The following NCK1 variants were observed in gnomAD, a reference collection of about 807,000 sequenced individuals.
NCK1 encodes SH2/SH3 adapter protein NCK1.
In NCK1, 19 loss-of-function variants were observed where a neutral mutation model predicts 36.6. That is an observed-to-expected ratio of 0.52 (90% CI 0.36 to 0.76). NCK1 has a LOEUF of 0.76. Among genes scored for constraint, NCK1 ranks in the 30% least tolerant of loss-of-function variants. NCK1 has a pLI of 0.00. For missense variants in NCK1, 358 were observed against 445.6 expected (o/e 0.80, Z 1.77); for synonymous variants, 165 against 156.0 (o/e 1.06, Z -0.43).
chr3:136,927,891 A>G, intron 1 of NCK1, 93 bp from the exon 2 acceptor site: 1 of 897,550 alleles, frequency 1.1e-6, no homozygotes, highest in South Asian at 1.7e-5. Flanking sequence ...TTTCATCTTT[A>G]TGTCTTTAGA....
At chr3:136,932,511 G>A (rs1039329102) in intron 2 of NCK1, among the ~76,000 whole-genome samples, 1 of 152,158 alleles carries the variant, frequency 6.6e-6, no homozygotes, top group African/African-American at 2.4e-5. Flanking sequence ...TAGATGAAGT[G>A]AACAGATGGA....
intron 1 of NCK1, among the ~76,000 whole-genome samples, chr3:136,902,880 A>G (rs1316917887): frequency 6.6e-6 from 1 of 152,246 alleles, no homozygotes; most frequent in Non-Finnish European, 1.5e-5. Context: ...AAATCAACAC[A>G]CATAAATCAA....
In NCK1 at chr3:136,933,869, T is replaced by C. The variant is rs1576986903; in HGVS notation, c.226+5642T>C. ...ACAGGTGCATGCCACCACACCTGGC[T>C]AATTTTTTTTGTATTTTTAGTAGAG... On this transcript the variant is annotated intron_variant, in intron 2 of 3. Coordinates refer to ENST00000481752, the MANE Select transcript of NCK1 (RefSeq NM_001291999.2). 2.0e-5 allele frequency among the ~76,000 whole-genome samples: 3 copies of C among 152,088 alleles called. No homozygotes were observed. The South Asian group carries it at 6.2e-4, about 32-fold the overall frequency.
rs1940906213 is a variant in NCK1, at chr3:136,949,067, A to G, written c.*614A>G. The G allele has an allele frequency of 6.6e-6, 1 of 152,466 alleles. No homozygotes were observed. Among genetic ancestry groups the G allele is most frequent in the Admixed American group, 6.6e-5 (1 of 15,254 alleles). The allele number at this position is 152,466 out of a possible 1,614,324, so 9.4% of individuals were successfully genotyped here. On this transcript the variant is annotated 3_prime_UTR_variant, in exon 4 of 4. Coordinates refer to ENST00000481752, the MANE Select transcript of NCK1 (RefSeq NM_001291999.2). Reference sequence around the variant, plus strand: ...AGACACATGAGACATAGATTAGAAAACATGTTGTACAATTTTAATTTACAA... The same window carrying G: ...AGACACATGAGACATAGATTAGAAAGCATGTTGTACAATTTTAATTTACAA...
At chr3:136,873,619 T>C (rs931665442) in intron 1 of NCK1, among the ~76,000 whole-genome samples, 3 of 152,174 alleles carry the variant, frequency 2.0e-5, no homozygotes, top group Admixed American at 1.3e-4. Flanking sequence ...TAATATGGTT[T>C]GGCTGTGTCC....
intron 1 of NCK1, among the ~76,000 whole-genome samples, chr3:136,911,095 C>A (rs565979810): frequency 6.6e-6 from 1 of 152,262 alleles, no homozygotes; most frequent in African/African-American, 2.4e-5. Flanking sequence ...GAATTTACTT[C>A]TTTTTTAAGG....
intron 1 of NCK1, among the ~76,000 whole-genome samples, chr3:136,876,406 G>A (rs550876806): frequency 1.4e-4 from 22 of 152,142 alleles, no homozygotes; most frequent in Non-Finnish European, 2.8e-4. Context: ...TAGACCGCTA[G>A]CAAGACTAAT....
chr3:136,945,091 G>A (rs1940776261), intron 2 of NCK1, among the ~76,000 whole-genome samples: 1 of 152,304 alleles, frequency 6.6e-6, no homozygotes, highest in Middle Eastern at 3.4e-3. Context: ...CAAATGGGAA[G>A]ATTAGCCAGA....
At chr3:136,893,188 A>G (rs1281178388) in intron 1 of NCK1, among the ~76,000 whole-genome samples, 3 of 14,172 alleles carry the variant, frequency 2.1e-4, no homozygotes, top group Non-Finnish European at 3.5e-4. Flanking sequence ...GTATATATAT[A>G]TATACACACA....
chr3:136,929,802 T>A (rs895911816), intron 2 of NCK1, among the ~76,000 whole-genome samples: 2 of 152,164 alleles, frequency 1.3e-5, no homozygotes, highest in Non-Finnish European at 2.9e-5. Flanking sequence ...AAAAAACTAT[T>A]ATCATAGAGC....
chr3:136,879,406 T>TA (rs1413371763), intron 1 of NCK1, among the ~76,000 whole-genome samples: 2 of 152,132 alleles, frequency 1.3e-5, no homozygotes, highest in Non-Finnish European at 2.9e-5. Flanking sequence ...AGAAAATAGA[T>TA]ATACGCTTTC....
At chr3:136,867,178 TTCTTTC>T (rs752368044) in intron 1 of NCK1, among the ~76,000 whole-genome samples, 1 of 37,240 alleles carries the variant, frequency 2.7e-5, no homozygotes, top group Non-Finnish European at 6.2e-5. Flanking sequence ...CCTTCCTTCC[TTCTTTC>T]TTTCTTTTCT....
At chr3:136,911,421 A>G (rs1334412523) in intron 1 of NCK1, among the ~76,000 whole-genome samples, 3 of 152,072 alleles carry the variant, frequency 2.0e-5, no homozygotes, top group Non-Finnish European at 4.4e-5. Context: ...CAACCTTTTT[A>G]TTGTTCTTTT....
chr3:136,869,147 G>A (rs1431479501), intron 1 of NCK1, among the ~76,000 whole-genome samples: 1 of 152,078 alleles, frequency 6.6e-6, no homozygotes, highest in East Asian at 1.9e-4. Context: ...GGCAGAGGCA[G>A]GAGAATGGCT....
At chr3:136,912,194 G>A (rs1388334778) in intron 1 of NCK1, among the ~76,000 whole-genome samples, 2 of 130,732 alleles carry the variant, frequency 1.5e-5, no homozygotes, top group Middle Eastern at 4.4e-3. Flanking sequence ...ACCGAGTCTC[G>A]CTCTGTCACC....
In NCK1 at chr3:136,862,907, T is replaced by C. The variant is rs148741436; in HGVS notation, c.-19+554T>C. The stretch of plus-strand genomic sequence containing the variant: ...TTCTAGTCTGGGGCTGTGACTTTAA[T>C]GGTCTGGACCTGCTTCAGATTCGTA... On this transcript the variant is annotated intron_variant, in intron 1 of 3. Transcript: ENST00000481752. 3.0e-3 allele frequency among the ~76,000 whole-genome samples: 431 copies of C among 143,046 alleles called. 3 individuals carry two copies. Among genetic ancestry groups the C allele is most frequent in the African/African-American group, 0.011 (412 of 38,774 alleles). The allele number at this position is 143,046 out of a possible 152,430, so 93.8% of individuals were successfully genotyped here. A position where few individuals can be genotyped will look rare whatever the true frequency, so the allele number is the denominator to read the frequency against.
At chr3:136,894,636 G>A (rs966669614) in intron 1 of NCK1, among the ~76,000 whole-genome samples, 1 of 151,966 alleles carries the variant, frequency 6.6e-6, no homozygotes, top group Admixed American at 6.6e-5. Flanking sequence ...AAACCATTGA[G>A]GTACTGTAAA....
At chr3:136,939,911 C>T (rs1044090426) in intron 2 of NCK1, among the ~76,000 whole-genome samples, 3 of 139,142 alleles carry the variant, frequency 2.2e-5, no homozygotes, top group Admixed American at 1.6e-4. Context: ...AGTGCAGTAG[C>T]ATGATCATGG....
At chr3:136,879,989 T>TAAA (rs891612999) in intron 1 of NCK1, among the ~76,000 whole-genome samples, 4 of 119,506 alleles carry the variant, frequency 3.3e-5, no homozygotes, top group Admixed American at 1.9e-4. Flanking sequence ...TAAAGAATAT[T>TAAA]AAAAAAAAAA....
Sources: gnomAD v4.1 joint callset for allele counts (sites outside exome capture counted in the v4.1 genomes callset) on GRCh38, gnomAD v4.1.1 for gene constraint, MANE v1.5 for transcripts, NCBI Gene and HGNC (gene_info 2026-07-23, HGNC 2026-07-21) for gene names.